The following NEGR1 variants were observed in gnomAD, a reference collection of about 807,000 sequenced individuals.
NEGR1 encodes the protein IgLON family member 4.
NEGR1 carries 10 observed loss-of-function variants against 40.9 expected under a neutral mutation model. The ratio of observed to expected loss-of-function variants is 0.24; its 90% CI spans 0.15 to 0.42. The LOEUF is 0.42. Ranked by LOEUF, NEGR1 falls within the 10% of genes least tolerant of loss-of-function variation. NEGR1 has a pLI of 1.00. For missense variants in NEGR1, 352 were observed against 438.9 expected (o/e 0.80, Z 1.77); for synonymous variants, 185 against 166.8 (o/e 1.11, Z -0.84).
At chr1:71,609,948 T>C (rs1420024916) in intron 5 of NEGR1, among the ~76,000 whole-genome samples, 4 of 152,224 alleles carry the variant, frequency 2.6e-5, no homozygotes, top group Non-Finnish European at 5.9e-5. Flanking sequence ...CTGATGGTTT[T>C]ATAAGGGGGT....
At chr1:71,742,152 G>A (rs1311516512) in intron 3 of NEGR1, among the ~76,000 whole-genome samples, 1 of 152,160 alleles carries the variant, frequency 6.6e-6, no homozygotes, top group Non-Finnish European at 1.5e-5. Context: ...CTCTCCACCA[G>A]ATGAGGATTC....
At chr1:71,814,855 C>T (rs1212727659) in intron 2 of NEGR1, among the ~76,000 whole-genome samples, 1 of 151,914 alleles carries the variant, frequency 6.6e-6, no homozygotes, top group Non-Finnish European at 1.5e-5. Context: ...TTTCAAAAAA[C>T]TAGCTCCTGG....
At chr1:72,163,036 T>A (rs973525972) in intron 1 of NEGR1, among the ~76,000 whole-genome samples, 5 of 152,128 alleles carry the variant, frequency 3.3e-5, no homozygotes, top group Non-Finnish European at 5.9e-5. Flanking sequence ...TTATCTTTCC[T>A]TCAGTTTTTA....
At chr1:71,430,575 A>G (rs1045734763) in intron 6 of NEGR1, among the ~76,000 whole-genome samples, 1 of 151,616 alleles carries the variant, frequency 6.6e-6, no homozygotes, top group African/African-American at 2.4e-5. Context: ...TAAAACATCC[A>G]CATTTTAGCT....
intron 1 of NEGR1, among the ~76,000 whole-genome samples, chr1:72,125,252 A>T (rs1428131571): frequency 6.6e-6 from 1 of 152,114 alleles, no homozygotes; most frequent in African/African-American, 2.4e-5. Flanking sequence ...TTACTGAGAA[A>T]AATTGAACGT....
chr1:71,900,864 C>G (rs1257071061), intron 2 of NEGR1, among the ~76,000 whole-genome samples: 1 of 152,118 alleles, frequency 6.6e-6, no homozygotes, highest in Non-Finnish European at 1.5e-5. Flanking sequence ...AGCAGAGAAA[C>G]AAGATCTGTT....
intron 1 of NEGR1, among the ~76,000 whole-genome samples, chr1:71,936,141 T>C (rs1171263666): frequency 6.6e-6 from 1 of 152,190 alleles, no homozygotes; most frequent in African/African-American, 2.4e-5. Flanking sequence ...TGCACAGTGG[T>C]AAGCTTGTAC....
intron 1 of NEGR1, among the ~76,000 whole-genome samples, chr1:72,096,822 G>A (rs1215657429): frequency 2.0e-5 from 3 of 151,780 alleles, no homozygotes; most frequent in Non-Finnish European, 4.4e-5. Context: ...CACAACGCCC[G>A]GCTATTTTTT....
At chr1:71,546,730 G>A (rs1570013196) in intron 6 of NEGR1, among the ~76,000 whole-genome samples, 2 of 151,728 alleles carry the variant, frequency 1.3e-5, no homozygotes, top group East Asian at 3.9e-4. Flanking sequence ...AGAGGGTCTG[G>A]ACTCTGGAGC....
intron 2 of NEGR1, among the ~76,000 whole-genome samples, chr1:71,854,405 T>A (rs1007464783): frequency 3.3e-5 from 5 of 152,060 alleles, no homozygotes; most frequent in Non-Finnish European, 7.4e-5. Context: ...AATTAGTGAG[T>A]AAATGAAAAT....
chr1:71,861,721 A>G (rs374389329), intron 2 of NEGR1, among the ~76,000 whole-genome samples: 8 of 152,148 alleles, frequency 5.3e-5, no homozygotes, highest in African/African-American at 1.9e-4. Flanking sequence ...CAGGGGAGAC[A>G]TGAGTAAACT....
intron 1 of NEGR1, among the ~76,000 whole-genome samples, chr1:71,987,897 C>T (rs904683643): frequency 2.6e-5 from 4 of 151,668 alleles, no homozygotes; most frequent in Non-Finnish European, 3.0e-5. Context: ...CTTTGACATA[C>T]GGAATTTGAA....
chr1:71,604,785 C>A (rs1650027824), intron 5 of NEGR1, among the ~76,000 whole-genome samples: 1 of 148,878 alleles, frequency 6.7e-6, no homozygotes, highest in Non-Finnish European at 1.5e-5. Context: ...ACCTAGATAA[C>A]TAACCCTTCT....
intron 1 of NEGR1, among the ~76,000 whole-genome samples, chr1:71,993,398 A>G (rs759042884): frequency 9.2e-5 from 14 of 152,200 alleles, no homozygotes; most frequent in Non-Finnish European, 1.5e-4. Flanking sequence ...TAGGTAAGCC[A>G]TTTACACTCT....
At chr1:71,476,319 C>T (rs574631710) in intron 6 of NEGR1, among the ~76,000 whole-genome samples, 1 of 152,104 alleles carries the variant, frequency 6.6e-6, no homozygotes, top group Non-Finnish European at 1.5e-5. Context: ...TCATTTTTGA[C>T]AACAAAAATT....
intron 2 of NEGR1, among the ~76,000 whole-genome samples, chr1:71,860,357 C>A (rs980857383): frequency 6.6e-6 from 1 of 151,984 alleles, no homozygotes; most frequent in Non-Finnish European, 1.5e-5. Flanking sequence ...ATTACTATCT[C>A]TTTACAGTGT....
intron 6 of NEGR1, among the ~76,000 whole-genome samples, chr1:71,540,004 C>G (rs1188234359): frequency 2.0e-5 from 3 of 151,860 alleles, no homozygotes; most frequent in African/African-American, 7.2e-5. Context: ...AAATGTTTAT[C>G]CCAGACTTCT....
intron 2 of NEGR1, among the ~76,000 whole-genome samples, chr1:71,855,484 T>C (rs1570435610): frequency 6.6e-6 from 1 of 152,028 alleles, no homozygotes; most frequent in East Asian, 1.9e-4. Context: ...AGAAGAAAAA[T>C]AGGAAGTCCT....
chr1:71,491,185 C>A (rs1646925210), intron 6 of NEGR1, among the ~76,000 whole-genome samples: 1 of 152,018 alleles, frequency 6.6e-6, no homozygotes, highest in Non-Finnish European at 1.5e-5. Context: ...AATACAACAA[C>A]TATTTATATG....
Sources: gnomAD v4.1 joint callset for allele counts (sites outside exome capture counted in the v4.1 genomes callset) on GRCh38, gnomAD v4.1.1 for gene constraint, MANE v1.5 for transcripts, NCBI Gene and HGNC (gene_info 2026-07-23, HGNC 2026-07-21) for gene names.